Variants in USP43 observed in about 807,000 individuals in gnomAD.
USP43 encodes the protein ubiquitin specific peptidase 43, also known as ubiquitin carboxyl-terminal hydrolase 43.
In USP43, 33 loss-of-function variants were observed where a neutral mutation model predicts 90.7. The observed-to-expected ratio is 0.36, with a 90% CI of 0.28 to 0.49. The LOEUF is 0.49. USP43 is among the 20% of genes least tolerant of loss of function. The pLI, the probability that USP43 is intolerant of heterozygous loss-of-function variation, is 0.98. For missense variants in USP43, 1,274 were observed against 1,476.4 expected, an observed-to-expected ratio of 0.86 and a Z score of 2.25; for synonymous variants, 598 against 615.8, an observed-to-expected ratio of 0.97 and a Z score of 0.43.
At chr17:9,713,725 T>TGG (rs745488715) in intron 14 of USP43, among the ~76,000 whole-genome samples, 4 of 152,106 alleles carry the variant, frequency 2.6e-5, no homozygotes, top group Admixed American at 6.6e-5. Flanking sequence ...TTTGCTGATG[T>TGG]GGGGTGTGCA....
chr17:9,681,145 C>CTATATAATATATAG (rs1914165152), intron 6 of USP43, among the ~76,000 whole-genome samples: 1 of 96,500 alleles, frequency 1.0e-5, no homozygotes, highest in African/African-American at 5.5e-5. Context: ...ATAATATATA[C>CTATATAATATATAG]TATATAATAT....
intron 1 of USP43, among the ~76,000 whole-genome samples, chr17:9,649,255 C>T (rs766087212): frequency 6.6e-6 from 1 of 152,038 alleles, no homozygotes; most frequent in Non-Finnish European, 1.5e-5. Context: ...TGCAGTGAGC[C>T]GAGATCGTGC....
chr17:9,715,031 A>C (rs1455737150), intron 14 of USP43, among the ~76,000 whole-genome samples: 1 of 152,160 alleles, frequency 6.6e-6, no homozygotes, highest in African/African-American at 2.4e-5. Flanking sequence ...CAGTGTGTAC[A>C]CACTCCAGCA....
At chr17:9,720,308 A>AGAGC (rs1916867715) in intron 14 of USP43, among the ~76,000 whole-genome samples, 1 of 136,526 alleles carries the variant, frequency 7.3e-6, no homozygotes, top group African/African-American at 2.8e-5. Context: ...CCTGGGCGAC[A>AGAGC]GAGACTCCAT....
At chr17:9,647,937 C>T (rs1056065750) in intron 1 of USP43, among the ~76,000 whole-genome samples, 5 of 151,862 alleles carry the variant, frequency 3.3e-5, no homozygotes, top group Admixed American at 2.0e-4. Context: ...AGGAGAATGG[C>T]GTGAACCTGG....
At chr17:9,685,162 C>G (rs935387290) in intron 7 of USP43, among the ~76,000 whole-genome samples, 1 of 152,212 alleles carries the variant, frequency 6.6e-6, no homozygotes, top group Non-Finnish European at 1.5e-5. Flanking sequence ...CCTGTCCAGA[C>G]AGATCACCTC....
chr17:9,666,663 A>G lies in USP43; in HGVS notation c.652A>G (p.Thr218Ala), dbSNP rs1342222659. 1.9e-6 allele frequency: 3 copies of G among 1,613,004 alleles called. No individual in the cohort carries two copies. The East Asian group carries it at 6.7e-5, about 36-fold the overall frequency. Residue 218 changes from threonine (T) to alanine (A), a missense_variant, in exon 3 of 15, where the codon ACT (threonine) becomes GCT (alanine). By Grantham distance (58) the Thr-to-Ala change is moderately conservative (BLOSUM62 0). Transcript: ENST00000285199. ...PVSEKLPPEATKTSENCLSPS... is the reference protein window; with the variant it reads ...PVSEKLPPEAAKTSENCLSPS... ...TTCTTTGCAGCTTCCGCCTGAAGCC[A>G]CTAAAACCTCTGAGAACTGCCTGTC...
In USP43 at chr17:9,728,642, C is replaced by G. The variant is rs767603256; in HGVS notation, c.3024C>G (p.Asn1008Lys). The G allele has an allele frequency of 2.5e-6, 4 of 1,613,680 alleles. No individual in the cohort carries two copies. In the South Asian group the frequency reaches 4.4e-5, roughly 18 times the overall value. The change falls in exon 15 of 15, where the codon AAC becomes AAG. Residue 1008 changes from asparagine to lysine, a missense_variant. This residue lies in a region of USP43 where 353 missense variants were observed against 329.7 expected (regional missense o/e 1.07). Coordinates refer to ENST00000285199, the MANE Select transcript of USP43 (RefSeq NM_153210.5). The surrounding 1 kb of genome is among the most constrained non-coding windows in gnomAD (Gnocchi z 6.2). ...LLRSVFRKKENRRNERAEVSP... is the reference protein window; with the variant it reads ...LLRSVFRKKEKRRNERAEVSP... ...GGTCCGTGTTTCGGAAGAAGGAGAA[C>G]AGGAGGAATGAGAGGGCAGAGGTCT... is the stretch of plus-strand genomic sequence containing the variant.
rs758991416 is a variant in USP43 at position 9,728,137 on chromosome 17, G to A, written c.2519G>A (p.Arg840Gln). 1.1e-5 allele frequency: 18 copies of A among 1,613,750 alleles called. No homozygotes were observed. Among genetic ancestry groups the A allele is most frequent in the African/African-American group, 2.7e-5 (2 of 74,922 alleles). The change falls in exon 15 of 15, where the codon CGA (arginine) becomes CAA (glutamine). Residue 840 changes from arginine to glutamine, a missense_variant. Arg to Gln is a conservative substitution (Grantham distance 43). Coordinates refer to ENST00000285199, the MANE Select transcript of USP43 (RefSeq NM_153210.5). This position sits in a 1 kb window ranked among gnomAD's most constrained non-coding sequence, Gnocchi z 6.2. ...VELVEYLESR[R>Q]RPRSTSQSIV... Reference sequence around the variant, plus strand: ...TTGGTGGAGTACTTGGAATCCAGACGAAGACCTCGGTCCACGAGCCAGTCC... The same window carrying A: ...TTGGTGGAGTACTTGGAATCCAGACAAAGACCTCGGTCCACGAGCCAGTCC...
Position 9,727,916 on chromosome 17 carries a change from G to A in USP43, c.2336-38G>A, listed in dbSNP as rs367879116. On this transcript the variant is annotated intron_variant, in intron 14 of 14. Coordinates refer to ENST00000285199, the MANE Select transcript of USP43 (RefSeq NM_153210.5). ...TAGATGACTGGCATTTCAGCTGTAG[G>A]GTGGCTTGTACACTGACAGTCTCTC... 5.7e-4 allele frequency: 885 copies of A among 1,560,928 alleles called. 2 individuals carry two copies. The highest frequency in any genetic ancestry group is 7.2e-4 in the Non-Finnish European group (832 of 1,152,088).
chr17:9,648,224 G>T lies in USP43; in HGVS notation c.504+2088G>T, dbSNP rs145579056. Among the ~76,000 whole-genome samples, 486 of 152,354 alleles carry T rather than the reference G, an allele frequency of 3.2e-3. 2 individuals are homozygous for T. The highest frequency in any genetic ancestry group is 0.011 in the African/African-American group (459 of 41,594). On this transcript the variant is annotated intron_variant, in intron 1 of 14. Coordinates refer to ENST00000285199, the MANE Select transcript of USP43 (RefSeq NM_153210.5). The stretch of plus-strand genomic sequence containing the variant: ...TGGAATTTCCTGGGATTTTTGGGTA[G>T]TCAGCTTTGGAGGGAGGAGTGGAGG...
chr17:9,681,358 TAAAA>T (rs1249543236), intron 6 of USP43, among the ~76,000 whole-genome samples: 3 of 114,106 alleles, frequency 2.6e-5, no homozygotes, highest in Non-Finnish European at 3.4e-5. Context: ...ATAAAATAAA[TAAAA>T]TAAATAAATA....
At chr17:9,690,699 A>G (rs1914887913) in intron 8 of USP43, among the ~76,000 whole-genome samples, 1 of 152,194 alleles carries the variant, frequency 6.6e-6, no homozygotes, top group African/African-American at 2.4e-5. Context: ...AACCTGGCCA[A>G]CATGGTGAAA....
intron 14 of USP43, among the ~76,000 whole-genome samples, chr17:9,720,486 G>A (rs1407018138): frequency 6.6e-6 from 1 of 151,156 alleles, no homozygotes; most frequent in Non-Finnish European, 1.5e-5. Context: ...ATATGTAGGA[G>A]AGGGTGTTTT....
chr17:9,677,184 G>C (rs1913838418), intron 5 of USP43, among the ~76,000 whole-genome samples: 1 of 152,182 alleles, frequency 6.6e-6, no homozygotes, highest in Non-Finnish European at 1.5e-5. Flanking sequence ...ACTATTCTGT[G>C]AACTTTCTAT....
chr17:9,677,901 A>C (rs1006654004), intron 5 of USP43, among the ~76,000 whole-genome samples: 1 of 152,150 alleles, frequency 6.6e-6, no homozygotes, highest in African/African-American at 2.4e-5. Flanking sequence ...CCATCACCCC[A>C]GTGGGCTCCT....
intron 1 of USP43, among the ~76,000 whole-genome samples, chr17:9,650,933 G>A (rs1355539846): frequency 3.9e-5 from 6 of 152,094 alleles, no homozygotes; most frequent in East Asian, 1.9e-4. Context: ...TGGTGCACCC[G>A]AGCAATGGAC....
chr17:9,713,790 G>A (rs755199843), intron 14 of USP43, among the ~76,000 whole-genome samples: 5 of 152,192 alleles, frequency 3.3e-5, no homozygotes, highest in African/African-American at 4.8e-5. Flanking sequence ...TCTAAATAAC[G>A]AGGGGAATTG....
At chr17:9,700,335 C>T (rs1012206209) in intron 10 of USP43, 86 bp downstream of exon 10, 37 of 1,327,090 alleles carry the variant, frequency 2.8e-5, no homozygotes, top group East Asian at 2.0e-4. Flanking sequence ...TCCCCCAGCA[C>T]GGCTGCAGGC....
Sources: allele counts gnomAD v4.1 joint callset (sites outside exome capture counted in the v4.1 genomes callset), GRCh38; gene constraint gnomAD v4.1.1; regional missense constraint gnomAD v4.1.1; non-coding constraint Gnocchi (gnomAD v3.1); transcripts MANE v1.5; gene names NCBI Gene and HGNC (gene_info 2026-07-23, HGNC 2026-07-21).